The following POLR3B variants were observed in gnomAD, a reference collection of about 807,000 sequenced individuals.
POLR3B encodes RNA polymerase III subunit B.
A neutral mutation model predicts 147.4 loss-of-function variants in POLR3B; 96 were observed. The ratio of observed to expected loss-of-function variants is 0.65; its 90% CI spans 0.55 to 0.77. The LOEUF (loss-of-function observed/expected upper bound fraction) is 0.77, where lower values mean the gene tolerates loss of function less well. POLR3B is among the 30% of genes least tolerant of loss of function. POLR3B has a pLI of 0.00. For missense variants in POLR3B, 1,036 were observed against 1,413.5 expected (o/e 0.73, Z 4.28); for synonymous variants, 461 against 485.9 (o/e 0.95, Z 0.67).
intron 1 of POLR3B, among the ~76,000 whole-genome samples, chr12:106,363,164 C>T (rs2036491158): frequency 1.3e-5 from 2 of 152,180 alleles, no homozygotes; most frequent in Admixed American, 6.5e-5. Flanking sequence ...TCTCATCCAT[C>T]ACGTGCCTTT....
At chr12:106,474,032 A>G (rs1404824879) in intron 23 of POLR3B, among the ~76,000 whole-genome samples, 2 of 122,340 alleles carry the variant, frequency 1.6e-5, no homozygotes, top group Non-Finnish European at 3.5e-5. Context: ...ATTTTGAAAT[A>G]CGTCCCATCA....
At chr12:106,375,056 T>C (rs888672015) in intron 6 of POLR3B, among the ~76,000 whole-genome samples, 7 of 152,348 alleles carry the variant, frequency 4.6e-5, no homozygotes, top group Middle Eastern at 3.4e-3. Flanking sequence ...TGAAAATATC[T>C]TTATGTTGAC....
At chr12:106,472,090 C>A (rs1438607530) in intron 23 of POLR3B, among the ~76,000 whole-genome samples, 3 of 129,006 alleles carry the variant, frequency 2.3e-5, no homozygotes, top group African/African-American at 9.6e-5. Flanking sequence ...TCAATTCCCA[C>A]CTATGAGTGA....
chr12:106,388,932 A>G (rs556988879), intron 9 of POLR3B, among the ~76,000 whole-genome samples: 2 of 152,118 alleles, frequency 1.3e-5, no homozygotes, highest in African/African-American at 4.8e-5. Flanking sequence ...ATCTCCCCTT[A>G]TTTTTGTTCA....
intron 14 of POLR3B, among the ~76,000 whole-genome samples, chr12:106,431,598 G>T (rs76928812): frequency 0.022 from 3,355 of 152,278 alleles, 49 homozygotes; most frequent in Middle Eastern, 0.041. Flanking sequence ...AAAAAGTGAT[G>T]AAACTGGTAC....
chr12:106,449,564 C>A (rs574418472), intron 19 of POLR3B, among the ~76,000 whole-genome samples: 11 of 152,084 alleles, frequency 7.2e-5, no homozygotes, highest in African/African-American at 2.7e-4. Flanking sequence ...TATATTCTTA[C>A]AATTCAAATA....
Position 106,435,131 on chromosome 12 carries a change from TA to T in POLR3B, c.1781+1260del, listed in dbSNP as rs1022516434. ...TTTGATTCTTATCCTTCCATTAAATTATTTTTTTTTTTTTGAGACAGAGTCT... is the reference window on the plus strand; with the variant it reads ...TTTGATTCTTATCCTTCCATTAAATTTTTTTTTTTTTTTGAGACAGAGTCT... On this transcript the variant is annotated intron_variant, in intron 16 of 27. Coordinates refer to ENST00000228347, the MANE Select transcript of POLR3B (RefSeq NM_018082.6). Among the ~76,000 whole-genome samples, 9 of 140,162 alleles carry T rather than the reference TA, an allele frequency of 6.4e-5. No individual in the cohort carries two copies. In the South Asian group the frequency reaches 7.5e-4, roughly 12 times the overall value. The allele number at this position is 140,162 out of a possible 152,430, so 92.0% of individuals were successfully genotyped here.
At chr12:106,484,846 G>A (rs906016784) in intron 23 of POLR3B, among the ~76,000 whole-genome samples, 1 of 152,000 alleles carries the variant, frequency 6.6e-6, no homozygotes, top group African/African-American at 2.4e-5. Context: ...TCTGAGGCAC[G>A]AATAAGCTTG....
chr12:106,412,397 A>G (rs1466016534), intron 12 of POLR3B, among the ~76,000 whole-genome samples: 1 of 152,162 alleles, frequency 6.6e-6, no homozygotes, highest in African/African-American at 2.4e-5. Flanking sequence ...CTGTTGAGGT[A>G]GCTCAGATCT....
chr12:106,408,051 A>G (rs892858821), intron 11 of POLR3B, among the ~76,000 whole-genome samples: 11 of 152,230 alleles, frequency 7.2e-5, no homozygotes, highest in Admixed American at 6.5e-4. Flanking sequence ...GTAATTACAT[A>G]CTTATTAGAA....
intron 21 of POLR3B, among the ~76,000 whole-genome samples, chr12:106,458,489 T>C (rs2037893333): frequency 1.3e-5 from 2 of 151,948 alleles, no homozygotes; most frequent in Non-Finnish European, 2.9e-5. Context: ...CTGACTACAG[T>C]GTAGAAAAAG....
Position 106,431,132 on chromosome 12 carries a change from G to A in POLR3B, c.1464+659G>A, listed in dbSNP as rs138158866. ...ACATAGAGCCTTGGTTAGAGTACAG[G>A]CCCCATGAATATATGCTGAATTAAT... On this transcript the variant is annotated intron_variant, in intron 14 of 27. Transcript: ENST00000228347. 6.1e-4 allele frequency among the ~76,000 whole-genome samples: 93 copies of A among 152,252 alleles called. 2 individuals carry two copies. Among genetic ancestry groups the A allele is most frequent in the Admixed American group, 4.8e-3 (74 of 15,286 alleles).
rs745585149 is a variant in POLR3B, at chr12:106,496,209, G to T, written c.2817+51G>T. On this transcript the variant is annotated intron_variant, in intron 24 of 27. Transcript: ENST00000228347. ...GGCATTGCCTTTAAGGAAGAAGCAG[G>T]CAGTTAGTTTAGTTAGAGTGAGTGG... 8 of 1,129,622 alleles carry T rather than the reference G, an allele frequency of 7.1e-6. No individual in the cohort carries two copies. In the Admixed American group the frequency reaches 1.2e-4, roughly 17 times the overall value. The allele number at this position is 1,129,622 out of a possible 1,614,324, so 70.0% of individuals were successfully genotyped here. A position where few individuals can be genotyped will look rare whatever the true frequency, so the allele number is the denominator to read the frequency against.
intron 12 of POLR3B, among the ~76,000 whole-genome samples, chr12:106,417,658 T>A (rs2037322758): frequency 6.6e-6 from 1 of 152,040 alleles, no homozygotes; most frequent in Non-Finnish European, 1.5e-5. Context: ...GAAAAAAAAA[T>A]TAGCATCAGG....
At position 106,427,358 on chromosome 12, in the gene POLR3B, C is replaced by A. The variant is rs367607316; in HGVS notation, c.1263C>A (p.Thr421=). ...ATGGCATGGTGAATGCTATTTCTAC[C>A]GTAAGTCTTCAGTCACTCTTTTAGG... ...ITNGMVNAIS[T]GNWSLKRFKM... The change falls in exon 13 of 28, where the codon ACC becomes ACA. Residue 421 remains threonine, a splice_region_variant and synonymous_variant. Transcript: ENST00000228347. 44 of 1,612,044 alleles carry A rather than the reference C, an allele frequency of 2.7e-5. No individual in the cohort carries two copies. The highest frequency in any genetic ancestry group is 3.3e-5 in the Admixed American group (2 of 59,980).
chr12:106,489,213 G>C (rs2038378733), intron 23 of POLR3B, among the ~76,000 whole-genome samples: 1 of 152,182 alleles, frequency 6.6e-6, no homozygotes, highest in South Asian at 2.1e-4. Context: ...GCAAATCTGA[G>C]ATAATGGCAT....
At chr12:106,425,896 A>C (rs2037427793) in intron 12 of POLR3B, among the ~76,000 whole-genome samples, 1 of 152,116 alleles carries the variant, frequency 6.6e-6, no homozygotes, top group African/African-American at 2.4e-5. Context: ...ATATAAATGG[A>C]ATCATGCCAT....
intron 9 of POLR3B, among the ~76,000 whole-genome samples, chr12:106,385,256 A>G (rs2036820633): frequency 2.6e-5 from 4 of 152,240 alleles, no homozygotes; most frequent in South Asian, 2.1e-4. Flanking sequence ...TTCACTATTC[A>G]GTATTTGGTA....
intron 6 of POLR3B, 123 bp from the exon 7 acceptor site, chr12:106,376,236 T>C (rs1380647784): frequency 1.4e-6 from 1 of 719,636 alleles, no homozygotes; most frequent in Non-Finnish European, 2.5e-6. Context: ...TTCTCTGCCT[T>C]TTCTAACATG....
Sources: allele counts gnomAD v4.1 joint callset (sites outside exome capture counted in the v4.1 genomes callset), GRCh38; gene constraint gnomAD v4.1.1; transcripts MANE v1.5; gene names NCBI Gene and HGNC (gene_info 2026-07-23, HGNC 2026-07-21).